Variants in MAGI2 observed in about 807,000 individuals in gnomAD.
MAGI2 encodes the protein membrane-associated guanylate kinase, WW and PDZ domain-containing protein 2.
Under a neutral mutation model 133.3 loss-of-function variants are expected in MAGI2, and 35 were observed. The observed-to-expected ratio is 0.26, with a 90% CI of 0.20 to 0.35. The LOEUF is 0.35. Ranked by LOEUF, MAGI2 falls within the 10% of genes least tolerant of loss-of-function variation. MAGI2 has a pLI of 1.00. For missense variants in MAGI2, 1,636 were observed against 1,863.4 expected (o/e 0.88, Z 2.25); for synonymous variants, 729 against 710.6 (o/e 1.03, Z -0.41).
At chr7:79,433,466 T>C (rs1847920545) in intron 1 of MAGI2, among the ~76,000 whole-genome samples, 1 of 151,302 alleles carries the variant, frequency 6.6e-6, no homozygotes, top group African/African-American at 2.4e-5. Flanking sequence ...GGCAGGAGAA[T>C]GGCGTGCACC....
intron 2 of MAGI2, among the ~76,000 whole-genome samples, chr7:78,750,260 T>C (rs1346592821): frequency 6.6e-6 from 1 of 152,218 alleles, no homozygotes; most frequent in Non-Finnish European, 1.5e-5. Flanking sequence ...ATGTGCCATA[T>C]TTTCTTTAAC....
At chr7:78,174,524 C>A (rs989805390) in intron 14 of MAGI2, among the ~76,000 whole-genome samples, 1 of 152,222 alleles carries the variant, frequency 6.6e-6, no homozygotes, top group Non-Finnish European at 1.5e-5. Flanking sequence ...CATTTGATAT[C>A]TTTTAAGCAC....
rs749374989 is a variant in MAGI2, at chr7:78,125,680, G to T, written c.3567+14C>A. On this transcript the variant is annotated intron_variant, in intron 20 of 21. Coordinates refer to ENST00000354212, the MANE Select transcript of MAGI2 (RefSeq NM_012301.4). ...TCAGAATTAAGCAATTCTATAAAAA[G>T]AGACTGTTCTTACCCTCATCCTCCC... is the stretch of plus-strand genomic sequence containing the variant. 3.2e-5 allele frequency: 50 copies of T among 1,565,582 alleles called. No individual in the cohort carries two copies. The highest frequency in any genetic ancestry group is 4.3e-5 in the Non-Finnish European group (49 of 1,145,232).
intron 9 of MAGI2, among the ~76,000 whole-genome samples, chr7:78,277,221 A>T (rs2151001531): frequency 6.6e-6 from 1 of 152,282 alleles, no homozygotes; most frequent in East Asian, 1.9e-4. Flanking sequence ...AAAGTATAGT[A>T]AACTATGATT....
chr7:79,276,743 C>A (rs1435521491), intron 1 of MAGI2, among the ~76,000 whole-genome samples: 1 of 152,120 alleles, frequency 6.6e-6, no homozygotes, highest in Non-Finnish European at 1.5e-5. Context: ...GCAGGCAGAT[C>A]GCTTGAGCCC....
At chr7:78,795,195 G>A (rs1225492327) in intron 2 of MAGI2, among the ~76,000 whole-genome samples, 2 of 151,644 alleles carry the variant, frequency 1.3e-5, no homozygotes, top group African/African-American at 4.8e-5. Flanking sequence ...TTATATATGA[G>A]ATTATTTGAT....
intron 1 of MAGI2, among the ~76,000 whole-genome samples, chr7:79,294,485 C>T (rs973260977): frequency 2.0e-5 from 3 of 152,020 alleles, no homozygotes; most frequent in Non-Finnish European, 2.9e-5. Context: ...CACAAACTTT[C>T]CATGGGTCCG....
At chr7:79,442,792 T>C (rs1217575105) in intron 1 of MAGI2, among the ~76,000 whole-genome samples, 3 of 152,070 alleles carry the variant, frequency 2.0e-5, no homozygotes, top group African/African-American at 7.2e-5. Context: ...GCTAGAATGG[T>C]AAGATTACCG....
chr7:78,540,965 T>C (rs1380893916), intron 3 of MAGI2, among the ~76,000 whole-genome samples: 1 of 152,232 alleles, frequency 6.6e-6, no homozygotes, highest in Admixed American at 6.5e-5. Context: ...GAGTTTGCCG[T>C]GGCAAGCCAC....
At chr7:79,134,028 C>T (rs1821164031) in intron 1 of MAGI2, among the ~76,000 whole-genome samples, 1 of 152,020 alleles carries the variant, frequency 6.6e-6, no homozygotes, top group African/African-American at 2.4e-5. Flanking sequence ...TTCTTATTAG[C>T]CTAAGACAAA....
chr7:78,770,462 C>T (rs763471786), intron 2 of MAGI2, among the ~76,000 whole-genome samples: 10 of 152,214 alleles, frequency 6.6e-5, no homozygotes, highest in Non-Finnish European at 1.2e-4. Flanking sequence ...ACTATTCTGA[C>T]ATTAGAAGAA....
intron 20 of MAGI2, among the ~76,000 whole-genome samples, chr7:78,113,221 T>C (rs1819533602): frequency 6.6e-6 from 1 of 151,998 alleles, no homozygotes; most frequent in Non-Finnish European, 1.5e-5. Context: ...TGATCTTTAA[T>C]CTGAAAGACC....
intron 2 of MAGI2, among the ~76,000 whole-genome samples, chr7:78,766,996 T>C (rs1322575941): frequency 6.6e-6 from 1 of 151,716 alleles, no homozygotes; most frequent in East Asian, 1.9e-4. Context: ...AAAGTTCTTT[T>C]TTTTTTTTTT....
intron 2 of MAGI2, among the ~76,000 whole-genome samples, chr7:78,830,125 T>C (rs10230724): frequency 0.06 from 9,201 of 152,172 alleles, 412 homozygotes; most frequent in African/African-American, 0.11. Context: ...TTGCTTTTGG[T>C]GCAAGATTCC....
chr7:78,313,212 T>C lies in MAGI2; in HGVS notation c.1408+30566A>G, dbSNP rs559598293. On this transcript the variant is annotated intron_variant, in intron 9 of 21. Coordinates refer to ENST00000354212, the MANE Select transcript of MAGI2 (RefSeq NM_012301.4). ...TCAGAAAGGTGGGAGCATTAGAGTGTGGTGAAGGATGACAAATTACCTAAT... is the reference window on the plus strand; with the variant it reads ...TCAGAAAGGTGGGAGCATTAGAGTGCGGTGAAGGATGACAAATTACCTAAT... Among the ~76,000 whole-genome samples, 28 of 152,170 alleles carry C rather than the reference T, an allele frequency of 1.8e-4. No homozygotes were observed. The South Asian group carries it at 5.8e-3, about 32-fold the overall frequency.
intron 6 of MAGI2, among the ~76,000 whole-genome samples, chr7:78,475,695 T>C (rs1393690404): frequency 6.6e-6 from 1 of 151,538 alleles, no homozygotes; most frequent in Non-Finnish European, 1.5e-5. Context: ...ACGGAATAAA[T>C]CAGAGTTGGA....
chr7:78,844,861 T>C (rs1792457373), intron 2 of MAGI2, among the ~76,000 whole-genome samples: 1 of 151,910 alleles, frequency 6.6e-6, no homozygotes, highest in African/African-American at 2.4e-5. Flanking sequence ...TTATTAATTT[T>C]CCAATAAATA....
At chr7:78,431,658 G>A (rs975226547) in intron 6 of MAGI2, among the ~76,000 whole-genome samples, 2 of 152,052 alleles carry the variant, frequency 1.3e-5, no homozygotes, top group African/African-American at 4.8e-5. Flanking sequence ...AACTACCAAC[G>A]CCATGACCCA....
intron 2 of MAGI2, among the ~76,000 whole-genome samples, chr7:78,635,926 G>A (rs923975383): frequency 1.3e-5 from 2 of 152,142 alleles, no homozygotes; most frequent in African/African-American, 2.4e-5. Context: ...CCCAAAGTAT[G>A]GTTTTATACA....
Sources: gnomAD v4.1 joint callset for allele counts (sites outside exome capture counted in the v4.1 genomes callset) on GRCh38, gnomAD v4.1.1 for gene constraint, MANE v1.5 for transcripts, NCBI Gene and HGNC (gene_info 2026-07-23, HGNC 2026-07-21) for gene names.